Variants in RAB3C observed in about 807,000 individuals in gnomAD.
RAB3C encodes the protein ras-related protein Rab-3C.
Under a neutral mutation model 26.4 loss-of-function variants are expected in RAB3C, and 17 were observed. The observed-to-expected ratio is 0.64, with a 90% CI of 0.44 to 0.97. The LOEUF (loss-of-function observed/expected upper bound fraction) is 0.97, where lower values mean the gene tolerates loss of function less well. Ranked by LOEUF, RAB3C falls within the 50% of genes least tolerant of loss-of-function variation. RAB3C has a pLI of 0.00. For missense variants in RAB3C, 242 were observed against 281.9 expected (o/e 0.86, Z 1.01); for synonymous variants, 91 against 95.9 (o/e 0.95, Z 0.30).
At chr5:58,839,876 A>G (rs114860281) in intron 4 of RAB3C, among the ~76,000 whole-genome samples, 2,091 of 150,026 alleles carry the variant, frequency 0.014, 50 homozygotes, top group African/African-American at 0.049. Context: ...TTTCTAAAGG[A>G]TGGCTTTGCT....
At chr5:58,767,493 C>T (rs1741930630) in intron 3 of RAB3C, among the ~76,000 whole-genome samples, 1 of 152,160 alleles carries the variant, frequency 6.6e-6, no homozygotes, top group South Asian at 2.1e-4. Context: ...AATCACAGTC[C>T]TTGCTGAATT....
intron 3 of RAB3C, among the ~76,000 whole-genome samples, chr5:58,728,360 T>C (rs941777458): frequency 1.3e-5 from 2 of 152,054 alleles, no homozygotes; most frequent in Admixed American, 6.6e-5. Context: ...TAGAATCTCA[T>C]TGACCACCAA....
At chr5:58,796,875 A>T (rs984572349) in intron 3 of RAB3C, among the ~76,000 whole-genome samples, 1 of 152,064 alleles carries the variant, frequency 6.6e-6, no homozygotes, top group Non-Finnish European at 1.5e-5. Context: ...GGTAGAGTTC[A>T]TAGCAGTCAT....
intron 2 of RAB3C, among the ~76,000 whole-genome samples, chr5:58,634,657 CCT>C (rs1172979036): frequency 5.3e-5 from 8 of 152,112 alleles, no homozygotes; most frequent in African/African-American, 1.4e-4. Context: ...GAAACTTTCC[CCT>C]GTTAATATAA....
chr5:58,823,920 C>G (rs1743411053), intron 3 of RAB3C, among the ~76,000 whole-genome samples: 1 of 139,040 alleles, frequency 7.2e-6, no homozygotes, highest in Non-Finnish European at 1.5e-5. Context: ...GTTCCCCTTC[C>G]TGTGTCCATG....
At chr5:58,763,956 G>C (rs973304778) in intron 3 of RAB3C, among the ~76,000 whole-genome samples, 1 of 152,160 alleles carries the variant, frequency 6.6e-6, no homozygotes, top group Admixed American at 6.5e-5. Context: ...CCACTTCTGG[G>C]AAGCCTTTCA....
At chr5:58,596,508 A>T (rs1746257422) in intron 1 of RAB3C, among the ~76,000 whole-genome samples, 1 of 136,862 alleles carries the variant, frequency 7.3e-6, no homozygotes, top group Non-Finnish European at 1.5e-5. Flanking sequence ...TAAATATATA[A>T]TACTATATAA....
intron 3 of RAB3C, among the ~76,000 whole-genome samples, chr5:58,735,816 G>T (rs1337800386): frequency 6.6e-6 from 1 of 152,150 alleles, no homozygotes. Context: ...TAACTCTTTT[G>T]CAAGGTAAGC....
At chr5:58,650,523 GA>G (rs1469394176) in intron 2 of RAB3C, among the ~76,000 whole-genome samples, 1 of 152,146 alleles carries the variant, frequency 6.6e-6, no homozygotes, top group African/African-American at 2.4e-5. Flanking sequence ...TGAATAAGGA[GA>G]ACCCCTCAGA....
At chr5:58,631,937 T>C (rs1477056518) in intron 2 of RAB3C, among the ~76,000 whole-genome samples, 1 of 152,208 alleles carries the variant, frequency 6.6e-6, no homozygotes, top group Non-Finnish European at 1.5e-5. Flanking sequence ...TCTGTACATG[T>C]GGTTTTGAGA....
rs150645040 is a variant in RAB3C, at chr5:58,836,831, G to A, written c.496+11669G>A. ...ATATCTTGGCAATTGTGAGTATGCTGCAATAAGCACGGGGGTGCAGATGTC... is the reference window on the plus strand; with the variant it reads ...ATATCTTGGCAATTGTGAGTATGCTACAATAAGCACGGGGGTGCAGATGTC... On this transcript the variant is annotated intron_variant, in intron 4 of 4. Coordinates refer to ENST00000282878, the MANE Select transcript of RAB3C (RefSeq NM_138453.4). Among the ~76,000 whole-genome samples the A allele has an allele frequency of 5.9e-3, 900 of 152,208 alleles. 10 individuals carry two copies. Among genetic ancestry groups the A allele is most frequent in the African/African-American group, 0.021 (856 of 41,522 alleles).
rs931848863 is a variant in RAB3C at position 58,859,177 on chromosome 5, G to A, written c.*7826G>A. On this transcript the variant is annotated 3_prime_UTR_variant, in exon 5 of 5. Transcript: ENST00000282878. ...CATAGCAAATATTGTGACTCTTCATGTGTCCACAGGAGCTCTTGTGTGGGT... is the reference window on the plus strand; with the variant it reads ...CATAGCAAATATTGTGACTCTTCATATGTCCACAGGAGCTCTTGTGTGGGT... 2.0e-5 allele frequency: 3 copies of A among 152,318 alleles called. No homozygotes were observed. Among genetic ancestry groups the A allele is most frequent in the Non-Finnish European group, 2.9e-5 (2 of 68,024 alleles). The allele number at this position is 152,318 out of a possible 1,614,324, so 9.4% of individuals were successfully genotyped here. A position where few individuals can be genotyped will look rare whatever the true frequency, so the allele number is the denominator to read the frequency against.
chr5:58,837,195 T>A (rs545109993), intron 4 of RAB3C, among the ~76,000 whole-genome samples: 1 of 152,314 alleles, frequency 6.6e-6, no homozygotes, highest in South Asian at 2.1e-4. Context: ...TTTCTTTTTT[T>A]CTTGAGGCAG....
At position 58,772,878 on chromosome 5, in the gene RAB3C, CA is replaced by C. The variant is rs557969908; in HGVS notation, c.371+46761del. On this transcript the variant is annotated intron_variant, in intron 3 of 4. Transcript: ENST00000282878. ...GGAGAAGTAAAATCTTTTTCAGTAA[CA>C]AAGAAAAATCATGTTGCATTCACAG... Among the ~76,000 whole-genome samples, 636 of 152,090 alleles carry C rather than the reference CA, an allele frequency of 4.2e-3. 1 individual carries two copies. Among genetic ancestry groups the C allele is most frequent in the Non-Finnish European group, 5.9e-3 (402 of 67,964 alleles).
At chr5:58,620,381 CT>C (rs1746910579) in intron 2 of RAB3C, among the ~76,000 whole-genome samples, 1 of 151,986 alleles carries the variant, frequency 6.6e-6, no homozygotes, top group Admixed American at 6.6e-5. Flanking sequence ...ATTATATGTA[CT>C]ATTGTGGTCT....
At chr5:58,702,083 A>G (rs189609435) in intron 2 of RAB3C, among the ~76,000 whole-genome samples, 2 of 152,276 alleles carry the variant, frequency 1.3e-5, no homozygotes, top group Admixed American at 1.3e-4. Context: ...AACAGCTTCA[A>G]ATTTTTCTGA....
intron 2 of RAB3C, among the ~76,000 whole-genome samples, chr5:58,712,537 TTTC>T (rs953090772): frequency 1.3e-5 from 2 of 152,294 alleles, no homozygotes; most frequent in African/African-American, 4.8e-5. Context: ...TAGATTTTTT[TTTC>T]TCGAGACAGA....
At chr5:58,786,220 C>T (rs1028364377) in intron 3 of RAB3C, among the ~76,000 whole-genome samples, 4 of 152,204 alleles carry the variant, frequency 2.6e-5, no homozygotes, top group African/African-American at 9.7e-5. Context: ...GTTCATTAAG[C>T]CAGTTTCTCA....
chr5:58,640,920 T>C (rs1747400991), intron 2 of RAB3C, among the ~76,000 whole-genome samples: 1 of 152,210 alleles, frequency 6.6e-6, no homozygotes, highest in Non-Finnish European at 1.5e-5. Flanking sequence ...ACCTTTTTGG[T>C]ATTTTGTACT....
Sources: allele counts gnomAD v4.1 joint callset (sites outside exome capture counted in the v4.1 genomes callset), GRCh38; gene constraint gnomAD v4.1.1; transcripts MANE v1.5; gene names NCBI Gene and HGNC (gene_info 2026-07-23, HGNC 2026-07-21).